The following CLCA4 variants were observed in gnomAD, a reference collection of about 807,000 sequenced individuals.
The protein encoded by CLCA4 is chloride channel accessory 4, also known as calcium-activated chloride channel regulator 4.
A neutral mutation model predicts 78.9 loss-of-function variants in CLCA4; 69 were observed. That is an observed-to-expected ratio of 0.87 (90% confidence interval 0.72 to 1.07). The LOEUF is 1.07. CLCA4 is among the 50% of genes least tolerant of loss of function. The pLI is 0.00. For missense variants in CLCA4, 1,133 were observed against 1,095.8 expected (o/e 1.03, Z -0.48); for synonymous variants, 362 against 375.8 (o/e 0.96, Z 0.42).
chr1:86,580,145 A>G lies in CLCA4; in HGVS notation c.2560A>G (p.Thr854Ala). The G allele has an allele frequency of 6.2e-7, 1 of 1,612,678 alleles. No homozygotes were observed. Among genetic ancestry groups the G allele is most frequent in the Non-Finnish European group, 8.5e-7 (1 of 1,179,200 alleles). The change falls in exon 14 of 14, where the codon ACA becomes GCA. Residue 854 changes from threonine to alanine, a missense_variant. Thr to Ala is a moderately conservative substitution (Grantham distance 58, BLOSUM62 0). Transcript: ENST00000370563. ...AIKSIDKSNLTSKVSNIAQVT... is the reference protein window; with the variant it reads ...AIKSIDKSNLASKVSNIAQVT... ...TAAAAGTATAGATAAAAGCAATTTG[A>G]CATCAAAAGTATCCAACATTGCACA...
chr1:86,579,654 A>C, intron 13 of CLCA4, 67 bp downstream of exon 13: 28 of 603,650 alleles, frequency 4.6e-5, no homozygotes, highest in Non-Finnish European at 8.0e-5. Context: ...CAGGGGTGTA[A>C]GGGTGGGTGG....
In CLCA4 at chr1:86,567,579, ACT is replaced by A. The variant is rs759894656; in HGVS notation, c.1112_1113del (p.Leu371HisfsTer19). On this transcript the variant is annotated frameshift_variant, in exon 7 of 14. Transcript: ENST00000370563. LOFTEE classifies it high-confidence loss of function. Reference protein sequence around the residue: ...QIKSSDERNTLMAGLPTYPLG... With the variant: ...QIKSSDERNTXMAGLPTYPLG... ...TAAAAAGCAGTGATGAAAGAAACAC[ACT>A]CATGGCAGGATTACCTACATATCCT... 2.5e-6 allele frequency: 4 copies of A among 1,613,320 alleles called. No homozygotes were observed. The highest frequency in any genetic ancestry group is 3.4e-6 in the Non-Finnish European group (4 of 1,179,446).
chr1:86,550,944 G>C (rs932329503), intron 1 of CLCA4, among the ~76,000 whole-genome samples: 4 of 149,986 alleles, frequency 2.7e-5, no homozygotes, highest in Non-Finnish European at 5.9e-5. Flanking sequence ...CCATTCTCCT[G>C]TCTCAGCCTC....
In CLCA4 at chr1:86,580,738, C is replaced by G. The variant is rs1029276044; in HGVS notation, c.*393C>G. On this transcript the variant is annotated 3_prime_UTR_variant, in exon 14 of 14. Coordinates refer to ENST00000370563, the MANE Select transcript of CLCA4 (RefSeq NM_012128.4). ...ATACAAGTAAAGGAGAGCAAATAAACAACATTTGGAAAAAAATGAATTTGG... is the reference window on the plus strand; with the variant it reads ...ATACAAGTAAAGGAGAGCAAATAAAGAACATTTGGAAAAAAATGAATTTGG... The G allele has an allele frequency of 1.3e-4, 21 of 157,376 alleles. No homozygotes were observed. The highest frequency in any genetic ancestry group is 4.6e-4 in the African/African-American group (19 of 41,574). 9.7% of individuals were successfully genotyped at this position (157,376 alleles called of 1,614,324 possible).
chr1:86,562,175 G>A (rs1650042367), intron 3 of CLCA4, among the ~76,000 whole-genome samples: 1 of 152,178 alleles, frequency 6.6e-6, no homozygotes, highest in African/African-American at 2.4e-5. Flanking sequence ...GATGTAGACA[G>A]GAATGGAATT....
At chr1:86,567,230 T>G (rs77551288) in intron 6 of CLCA4, among the ~76,000 whole-genome samples, 194 bp from the exon 7 acceptor site, 6,166 of 152,076 alleles carry the variant, frequency 0.041, 404 homozygotes, top group African/African-American at 0.14. Flanking sequence ...CACTCCTTAC[T>G]ATACGTGTCC....
chr1:86,576,105 A>C (rs1650508820), intron 11 of CLCA4, among the ~76,000 whole-genome samples: 1 of 152,044 alleles, frequency 6.6e-6, no homozygotes, highest in Non-Finnish European at 1.5e-5. Flanking sequence ...GACAACAAAA[A>C]TACCCAATAA....
intron 3 of CLCA4, among the ~76,000 whole-genome samples, chr1:86,561,417 T>C (rs961151940): frequency 6.6e-6 from 1 of 152,220 alleles, no homozygotes; most frequent in African/African-American, 2.4e-5. Context: ...GCTCCTGTTA[T>C]GTTTTGAAGA....
intron 9 of CLCA4, among the ~76,000 whole-genome samples, chr1:86,573,463 A>G (rs1309922130): frequency 6.6e-6 from 1 of 152,070 alleles, no homozygotes; most frequent in Non-Finnish European, 1.5e-5. Flanking sequence ...ATGTCATGTC[A>G]CTTTATGCCA....
At chr1:86,549,305 T>C (rs1649590280) in intron 1 of CLCA4, among the ~76,000 whole-genome samples, 1 of 152,182 alleles carries the variant, frequency 6.6e-6, no homozygotes, top group Non-Finnish European at 1.5e-5. Context: ...AGAATTCGTT[T>C]GATGTAACCA....
intron 3 of CLCA4, among the ~76,000 whole-genome samples, chr1:86,561,390 C>T (rs1021458201): frequency 4.6e-5 from 7 of 152,120 alleles, no homozygotes; most frequent in African/African-American, 7.2e-5. Context: ...CTGAATTTTC[C>T]GTCTTCTTTA....
At chr1:86,555,638 T>C (rs911760141) in intron 1 of CLCA4, among the ~76,000 whole-genome samples, 1 of 152,192 alleles carries the variant, frequency 6.6e-6, no homozygotes, top group African/African-American at 2.4e-5. Flanking sequence ...ACATGATGCC[T>C]CCAGTTTTGT....
intron 1 of CLCA4, chr1:86,552,514 ACAGGGCAGCAAGG>A (rs1649696004): frequency 2.0e-6 from 1 of 505,790 alleles, no homozygotes; most frequent in Non-Finnish European, 3.5e-6. Context: ...GAATCAGCAG[ACAGGGCAGCAAGG>A]CTGGGCAGCG....
At chr1:86,567,370 C>G in intron 6 of CLCA4, 54 bp from the exon 7 acceptor site, 1 of 1,395,244 alleles carries the variant, frequency 7.2e-7, no homozygotes, top group Non-Finnish European at 9.9e-7. Flanking sequence ...ATGTGATCTT[C>G]TATTATTTTC....
intron 8 of CLCA4, among the ~76,000 whole-genome samples, chr1:86,572,145 ATCTTTC>A (rs1650367782): frequency 6.6e-6 from 1 of 151,922 alleles, no homozygotes; most frequent in African/African-American, 2.4e-5. Flanking sequence ...CAGCTCTTTC[ATCTTTC>A]TAATTTTCTG....
chr1:86,578,160 A>T, intron 12 of CLCA4, 88 bp downstream of exon 12: 1 of 1,174,586 alleles, frequency 8.5e-7, no homozygotes, highest in Middle Eastern at 2.1e-4. Context: ...GGTTGATTAA[A>T]ACTCAAAATA....
At position 86,565,424 on chromosome 1, in the gene CLCA4, C is replaced by A. The variant is rs1224777551; in HGVS notation, c.708C>A (p.Ser236=). 6.3e-7 allele frequency: 1 copy of A among 1,599,000 alleles called. No individual in the cohort carries two copies. Among genetic ancestry groups the A allele is most frequent in the South Asian group, 1.1e-5 (1 of 88,348 alleles). ...FPDKVQTEKA[S]IMFMQSIDSV... ...ATAAAGTACAAACAGAAAAAGCATC[C>A]ATAATGTTTATGCAAAGTATTGATT... The change falls in exon 5 of 14, where the codon TCC becomes TCA. Residue 236 remains serine, a synonymous_variant. Transcript: ENST00000370563.
chr1:86,567,058 G>T (rs945815515), intron 6 of CLCA4, among the ~76,000 whole-genome samples: 11 of 151,928 alleles, frequency 7.2e-5, no homozygotes, highest in Admixed American at 1.3e-4. Flanking sequence ...AGGCTTGGGG[G>T]TATGGTTTTA....
chr1:86,571,145 C>T lies in CLCA4; in HGVS notation c.1251C>T (p.Asn417=), dbSNP rs180818393. 1.7e-3 allele frequency: 2,678 copies of T among 1,612,828 alleles called. 22 individuals carry two copies. The highest frequency in any genetic ancestry group is 2.1e-3 in the Non-Finnish European group (2,454 of 1,179,024). The change falls in exon 8 of 14, where the codon AAC becomes AAT. Residue 417 remains asparagine, a synonymous_variant. Coordinates refer to ENST00000370563, the MANE Select transcript of CLCA4 (RefSeq NM_012128.4). ...EVLLLTDGED[N]TASSCIDEVK... ...TGCTGCTGACTGATGGGGAGGATAA[C>T]ACTGCAAGTTCTTGTATTGATGAAG...
Sources: allele counts gnomAD v4.1 joint callset (sites outside exome capture counted in the v4.1 genomes callset), GRCh38; gene constraint gnomAD v4.1.1; transcripts MANE v1.5; gene names NCBI Gene and HGNC (gene_info 2026-07-23, HGNC 2026-07-21).